The following PPP3CA variants were observed in gnomAD, a reference collection of about 807,000 sequenced individuals.
The protein encoded by PPP3CA is CAM-PRP catalytic subunit.
A neutral mutation model predicts 66.5 loss-of-function variants in PPP3CA; 14 were observed. The ratio of observed to expected loss-of-function variants is 0.21; its 90% CI spans 0.14 to 0.33. PPP3CA has a LOEUF of 0.33. PPP3CA is among the 10% of genes least tolerant of loss of function. The pLI is 1.00. For synonymous variants in PPP3CA, 232 were observed against 226.2 expected (o/e 1.03, Z -0.23); for missense variants, 317 against 639.5 (o/e 0.50, Z 5.44).
At chr4:101,287,624 C>T (rs1188119986) in intron 1 of PPP3CA, among the ~76,000 whole-genome samples, 1 of 152,098 alleles carries the variant, frequency 6.6e-6, no homozygotes, top group Non-Finnish European at 1.5e-5. Context: ...CTTAAAGGAC[C>T]CACCATCATT....
chr4:101,126,665 G>A (rs1022995954), intron 2 of PPP3CA, among the ~76,000 whole-genome samples: 6 of 151,930 alleles, frequency 3.9e-5, no homozygotes, highest in African/African-American at 7.2e-5. Context: ...AAAACCTGAC[G>A]AACTCATATT....
At chr4:101,323,584 C>A (rs1255847136) in intron 1 of PPP3CA, among the ~76,000 whole-genome samples, 1 of 152,134 alleles carries the variant, frequency 6.6e-6, no homozygotes, top group Non-Finnish European at 1.5e-5. Context: ...CTATTTTAAC[C>A]TAAATAATCT....
intron 2 of PPP3CA, among the ~76,000 whole-genome samples, chr4:101,127,725 A>G (rs911341449): frequency 1.3e-5 from 2 of 150,724 alleles, no homozygotes; most frequent in Non-Finnish European, 1.5e-5. Flanking sequence ...CAATTATTTG[A>G]GTTCTATTGC....
chr4:101,273,378 G>C (rs1177001752), intron 1 of PPP3CA, among the ~76,000 whole-genome samples: 1 of 151,826 alleles, frequency 6.6e-6, no homozygotes, highest in Non-Finnish European at 1.5e-5. Context: ...CAGAGTGATC[G>C]CGCAGTGGCG....
intron 6 of PPP3CA, 113 bp downstream of exon 6, chr4:101,093,663 T>C: frequency 9.0e-7 from 1 of 1,112,674 alleles, no homozygotes; most frequent in Non-Finnish European, 1.2e-6. Context: ...AGTGAGCCTT[T>C]CATTTATATT....
At chr4:101,195,347 T>C (rs1169886150) in intron 2 of PPP3CA, among the ~76,000 whole-genome samples, 2 of 151,948 alleles carry the variant, frequency 1.3e-5, no homozygotes, top group Non-Finnish European at 2.9e-5. Flanking sequence ...CTTCCGAAAG[T>C]TCAGTGCTTC....
At chr4:101,040,083 A>G (rs1391041076) in intron 11 of PPP3CA, among the ~76,000 whole-genome samples, 2 of 152,196 alleles carry the variant, frequency 1.3e-5, no homozygotes, top group Admixed American at 6.5e-5. Flanking sequence ...GCTGATGTTC[A>G]TTTCCTAGAA....
intron 7 of PPP3CA, 48 bp downstream of exon 7, chr4:101,083,138 T>C (rs2110240798): frequency 1.5e-6 from 2 of 1,339,816 alleles, no homozygotes; most frequent in Non-Finnish European, 2.0e-6. Flanking sequence ...GAGGAAGTTC[T>C]GGAAAATGGA....
chr4:101,127,983 C>A (rs1053032672), intron 2 of PPP3CA, among the ~76,000 whole-genome samples: 1 of 152,156 alleles, frequency 6.6e-6, no homozygotes, highest in African/African-American at 2.4e-5. Context: ...GTGCTCTATA[C>A]AGGATCCTTA....
chr4:101,186,935 T>G (rs1367194906), intron 2 of PPP3CA, among the ~76,000 whole-genome samples: 1 of 152,056 alleles, frequency 6.6e-6, no homozygotes, highest in African/African-American at 2.4e-5. Flanking sequence ...CAACAAAAAT[T>G]TACTACTCAT....
At chr4:101,033,032 ACAAT>A (rs766407717) in intron 11 of PPP3CA, among the ~76,000 whole-genome samples, 4 of 152,180 alleles carry the variant, frequency 2.6e-5, no homozygotes, top group South Asian at 2.1e-4. Flanking sequence ...CAATTGTTTT[ACAAT>A]CAATCAGTTT....
At chr4:101,250,616 A>G (rs970214798) in intron 1 of PPP3CA, among the ~76,000 whole-genome samples, 1 of 152,284 alleles carries the variant, frequency 6.6e-6, no homozygotes, top group Admixed American at 6.5e-5. Context: ...TTTGAAACTC[A>G]TTCCAATTAG....
intron 6 of PPP3CA, among the ~76,000 whole-genome samples, chr4:101,091,530 G>A (rs1181685872): frequency 6.6e-6 from 1 of 151,894 alleles, no homozygotes; most frequent in African/African-American, 2.4e-5. Context: ...TTTGAAAGAC[G>A]CTTTATAGTG....
chr4:101,039,994 ATAC>A (rs1727434503), intron 11 of PPP3CA, among the ~76,000 whole-genome samples: 2 of 106,264 alleles, frequency 1.9e-5, no homozygotes, highest in South Asian at 7.0e-4. Context: ...TCTACAAAAT[ATAC>A]TACTATATGG....
chr4:101,171,264 A>G, intron 2 of PPP3CA: 1 of 455,564 alleles, frequency 2.2e-6, no homozygotes, highest in South Asian at 1.6e-5. Context: ...ACTGAATAAC[A>G]ATCTCCCACA....
intron 8 of PPP3CA, among the ~76,000 whole-genome samples, chr4:101,077,062 G>A (rs1005469789): frequency 6.6e-6 from 1 of 152,182 alleles, no homozygotes; most frequent in East Asian, 1.9e-4. Flanking sequence ...CAGGAAGACA[G>A]TGCAGACTGG....
intron 11 of PPP3CA, among the ~76,000 whole-genome samples, chr4:101,039,476 A>T (rs1727407477): frequency 6.9e-6 from 1 of 144,738 alleles, no homozygotes; most frequent in Admixed American, 6.9e-5. Context: ...TCAATAACGG[A>T]AGGGAGCAAT....
chr4:101,135,285 A>G lies in PPP3CA; in HGVS notation c.260-26207T>C, dbSNP rs1404428574. Among the ~76,000 whole-genome samples, 4 of 151,974 alleles carry G rather than the reference A, an allele frequency of 2.6e-5. No homozygotes were observed. In the East Asian group the frequency reaches 5.8e-4, roughly 22 times the overall value. ...ATCAATATGTGAGAAGCCTGGGTCC[A>G]TAACGATCACCTGAAAAATGTCCTG... On this transcript the variant is annotated intron_variant, in intron 2 of 13. Coordinates refer to ENST00000394854, the MANE Select transcript of PPP3CA (RefSeq NM_000944.5).
chr4:101,026,158 G>C, intron 13 of PPP3CA, 97 bp from the exon 14 acceptor site: 1 of 1,025,350 alleles, frequency 9.8e-7, no homozygotes, highest in East Asian at 2.5e-5. Context: ...ATTTCTCAGT[G>C]AGAGGGAATC....
Sources: gnomAD v4.1 joint callset for allele counts (sites outside exome capture counted in the v4.1 genomes callset) on GRCh38, gnomAD v4.1.1 for gene constraint, MANE v1.5 for transcripts, NCBI Gene and HGNC (gene_info 2026-07-23, HGNC 2026-07-21) for gene names.